The following GID4 variants were observed in gnomAD, a reference collection of about 807,000 sequenced individuals.
GID4 encodes glucose-induced degradation protein 4 homolog.
GID4 carries 7 observed loss-of-function variants against 32.4 expected under a neutral mutation model. The ratio of observed to expected loss-of-function variants is 0.22; its 90% confidence interval spans 0.12 to 0.41. The LOEUF (loss-of-function observed/expected upper bound fraction) is 0.41. GID4 is among the 10% of genes least tolerant of loss of function. The pLI is 1.00. For synonymous variants in GID4, 166 were observed against 170.0 expected, an observed-to-expected ratio of 0.98 and a Z score of 0.18; for missense variants, 309 against 400.0, an observed-to-expected ratio of 0.77 and a Z score of 1.94.
rs140839416 is a variant in GID4 at position 18,066,858 on chromosome 17, T to G, written c.*1615T>G. 3.0e-4 allele frequency: 45 copies of G among 152,378 alleles called. No individual in the cohort carries two copies. The highest frequency in any genetic ancestry group is 3.4e-3 in the Middle Eastern group (1 of 294). 9.4% of individuals were successfully genotyped at this position (152,378 alleles called of 1,614,324 possible). ...TAGAGGTATTTGGGAAAGTAGCCAGTGGGCACTTGTGATATCTAAAATCTG... is the reference window on the plus strand; with the variant it reads ...TAGAGGTATTTGGGAAAGTAGCCAGGGGGCACTTGTGATATCTAAAATCTG... On this transcript the variant is annotated 3_prime_UTR_variant, in exon 6 of 6. Coordinates refer to ENST00000268719, the MANE Select transcript of GID4 (RefSeq NM_024052.5).
At chr17:18,040,697 C>T (rs928751528) in intron 1 of GID4, among the ~76,000 whole-genome samples, 2 of 152,250 alleles carry the variant, frequency 1.3e-5, no homozygotes, top group African/African-American at 4.8e-5. Context: ...GGCCTCTATC[C>T]AGACTTCCCC....
At chr17:18,041,484 A>G (rs1258999391) in intron 1 of GID4, among the ~76,000 whole-genome samples, 5 of 152,210 alleles carry the variant, frequency 3.3e-5, no homozygotes, top group Non-Finnish European at 7.3e-5. Flanking sequence ...ATGAGCCACG[A>G]TAGTTATTAT....
chr17:18,048,730 C>T (rs796466233), intron 2 of GID4, among the ~76,000 whole-genome samples: 12 of 151,884 alleles, frequency 7.9e-5, no homozygotes, highest in African/African-American at 2.9e-4. Context: ...GCAACTTCCA[C>T]CTCCCAGGTT....
In GID4 at chr17:18,065,421, G is replaced by A; in HGVS notation, c.*178G>A. Reference sequence around the variant, plus strand: ...CCAAGGAGCATGGCTGGCCCGTGGGGCAGGTGGAGGGAGCAGTCTTCGTTC... The same window carrying A: ...CCAAGGAGCATGGCTGGCCCGTGGGACAGGTGGAGGGAGCAGTCTTCGTTC... On this transcript the variant is annotated 3_prime_UTR_variant, in exon 6 of 6. Coordinates refer to ENST00000268719, the MANE Select transcript of GID4 (RefSeq NM_024052.5). 1.6e-6 allele frequency: 1 copy of A among 621,348 alleles called. No individual in the cohort carries two copies. Among genetic ancestry groups the A allele is most frequent in the Admixed American group, 2.5e-5 (1 of 40,350 alleles). 38.5% of individuals were successfully genotyped at this position (621,348 alleles called of 1,614,324 possible).
intron 5 of GID4, among the ~76,000 whole-genome samples, chr17:18,062,708 C>G (rs1313711122): frequency 6.6e-6 from 1 of 152,188 alleles, no homozygotes; most frequent in Non-Finnish European, 1.5e-5. Context: ...TAAATGCCAG[C>G]CCTGTAGCCA....
At chr17:18,054,075 GT>G (rs2044940743) in intron 2 of GID4, 51 bp from the exon 3 acceptor site, 2 of 1,014,714 alleles carry the variant, frequency 2.0e-6, no homozygotes, top group African/African-American at 3.2e-5. Flanking sequence ...TTGTACAAAG[GT>G]TAAAAACTCT....
intron 5 of GID4, 32 bp from the exon 6 acceptor site, chr17:18,065,148 T>A: frequency 6.4e-7 from 1 of 1,570,870 alleles, no homozygotes; most frequent in Non-Finnish European, 8.8e-7. Flanking sequence ...ATTAGATGAC[T>A]ACCTCCCGTT....
chr17:18,043,051 T>C (rs189399986), intron 1 of GID4, among the ~76,000 whole-genome samples: 1 of 152,322 alleles, frequency 6.6e-6, no homozygotes, highest in Admixed American at 6.5e-5. Flanking sequence ...TCCTCTGCCA[T>C]CTAAGAAGCC....
At position 18,054,360 on chromosome 17, in the gene GID4, C is replaced by G. The variant is rs945463324; in HGVS notation, c.606+126C>G. The G allele has an allele frequency of 1.0e-5, 6 of 582,564 alleles. No individual in the cohort carries two copies. In the African/African-American group the frequency reaches 1.1e-4, roughly 11 times the overall value. 36.1% of individuals were successfully genotyped at this position (582,564 alleles called of 1,614,324 possible). The stretch of plus-strand genomic sequence containing the variant: ...CTTTGCAACCAAGTAAAAGGTTGCA[C>G]TGCACACAGACCTCAGTTGTTCCAT... On this transcript the variant is annotated intron_variant, in intron 3 of 5. Coordinates refer to ENST00000268719, the MANE Select transcript of GID4 (RefSeq NM_024052.5).
intron 1 of GID4, among the ~76,000 whole-genome samples, chr17:18,040,632 C>T (rs1336238427): frequency 1.3e-5 from 2 of 151,926 alleles, no homozygotes; most frequent in South Asian, 4.2e-4. Flanking sequence ...CTTCTCCACC[C>T]CCAGGCCTCC....
chr17:18,042,346 C>T (rs1393743998), intron 1 of GID4, among the ~76,000 whole-genome samples: 3 of 152,170 alleles, frequency 2.0e-5, no homozygotes, highest in Non-Finnish European at 2.9e-5. Context: ...GGCAACTGCT[C>T]ATCTATTTTT....
At chr17:18,054,441 G>C (rs780342576) in intron 3 of GID4, among the ~76,000 whole-genome samples, 2 of 152,182 alleles carry the variant, frequency 1.3e-5, no homozygotes, top group Admixed American at 1.3e-4. Context: ...ATAGCAAATG[G>C]TTGTCTGATG....
At chr17:18,043,212 TGTG>T (rs2044820327) in intron 1 of GID4, among the ~76,000 whole-genome samples, 1 of 152,256 alleles carries the variant, frequency 6.6e-6, no homozygotes, top group African/African-American at 2.4e-5. Context: ...CTGTATGCGT[TGTG>T]GTGTATTTGA....
rs116180002 is a variant in GID4 at position 18,046,595 on chromosome 17, G to C, written c.498+1389G>C. 9.8e-3 allele frequency among the ~76,000 whole-genome samples: 1,485 copies of C among 150,938 alleles called. 16 individuals carry two copies. The highest frequency in any genetic ancestry group is 0.034 in the African/African-American group (1,393 of 41,096). ...TGAATAGCCACTGCACTCCAGCCTG[G>C]GCAACCTAGGAAGATCCTCTCTCTT... On this transcript the variant is annotated intron_variant, in intron 2 of 5. Coordinates refer to ENST00000268719, the MANE Select transcript of GID4 (RefSeq NM_024052.5).
At chr17:18,064,539 G>C (rs1227328065) in intron 5 of GID4, among the ~76,000 whole-genome samples, 1 of 152,106 alleles carries the variant, frequency 6.6e-6, no homozygotes, top group East Asian at 1.9e-4. Context: ...CTCTAAATGT[G>C]CCCGAGGTTG....
chr17:18,060,085 A>G (rs1429735933), intron 4 of GID4, among the ~76,000 whole-genome samples: 24 of 27,286 alleles, frequency 8.8e-4, no homozygotes, highest in African/African-American at 2.9e-3. Context: ...ACTCCATCTC[A>G]AAAAAAAAAA....
At chr17:18,064,498 A>G (rs746563697) in intron 5 of GID4, among the ~76,000 whole-genome samples, 1 of 152,162 alleles carries the variant, frequency 6.6e-6, no homozygotes, top group Non-Finnish European at 1.5e-5. Flanking sequence ...GTATGAAACA[A>G]GTAGGGGAGA....
At chr17:18,046,922 CAAAAAAAAAAA>C (rs71155311) in intron 2 of GID4, among the ~76,000 whole-genome samples, 1 of 115,768 alleles carries the variant, frequency 8.6e-6, no homozygotes, top group Non-Finnish European at 1.7e-5. Flanking sequence ...AACTTTGTCT[CAAAAAAAAAAA>C]AAAAAAAAAA....
At chr17:18,052,955 T>C (rs1299392437) in intron 2 of GID4, among the ~76,000 whole-genome samples, 2 of 151,422 alleles carry the variant, frequency 1.3e-5, no homozygotes, top group African/African-American at 2.4e-5. Flanking sequence ...ACCATTTGTA[T>C]AGTTCATTAC....
Sources: allele counts gnomAD v4.1 joint callset (sites outside exome capture counted in the v4.1 genomes callset), GRCh38; gene constraint gnomAD v4.1.1; transcripts MANE v1.5; gene names NCBI Gene and HGNC (gene_info 2026-07-23, HGNC 2026-07-21).